MEPE: variants seen among roughly 807,000 people sequenced by gnomAD.
MEPE encodes matrix extracellular phosphoglycoprotein, also known as matrix, extracellular phosphoglycoprotein with ASARM motif (bone).
Under a neutral mutation model 7.3 loss-of-function variants are expected in MEPE, and 7 were observed. The ratio of observed to expected loss-of-function variants is 0.95; its 90% CI spans 0.54 to 1.79. The LOEUF is 1.79. Among genes scored for constraint, MEPE ranks in the 40% most tolerant of loss-of-function variants. MEPE has a pLI of 0.00. For missense variants in MEPE, 623 were observed against 628.2 expected, an observed-to-expected ratio of 0.99 and a Z score of 0.09; for synonymous variants, 214 against 213.1, an observed-to-expected ratio of 1.00 and a Z score of -0.04.
At chr4:87,826,912 T>C (rs1273608432) in intron 1 of MEPE, among the ~76,000 whole-genome samples, 1 of 152,230 alleles carries the variant, frequency 6.6e-6, no homozygotes, top group Non-Finnish European at 1.5e-5. Context: ...CTTTGTCAGA[T>C]GGATAGATTG....
chr4:87,822,017 T>C (rs912594065), intron 1 of MEPE, among the ~76,000 whole-genome samples: 1 of 152,048 alleles, frequency 6.6e-6, no homozygotes, highest in African/African-American at 2.4e-5. Context: ...GCCCACACAG[T>C]GCCTGCCAAA....
upstream of MEPE, among the ~76,000 whole-genome samples, chr4:87,831,166 A>ATTTG (rs1578053417): frequency 6.6e-6 from 1 of 152,218 alleles, no homozygotes; most frequent in East Asian, 1.9e-4. Flanking sequence ...TCAAACTATT[A>ATTTG]CAATTATTTT....
intron 1 of MEPE, among the ~76,000 whole-genome samples, chr4:87,834,455 C>G (rs1351140605): frequency 2.0e-5 from 3 of 152,132 alleles, no homozygotes; most frequent in African/African-American, 7.2e-5. Flanking sequence ...TATCAACTGA[C>G]TTTACTGTTT....
intron 2 of MEPE, 128 bp from the exon 3 acceptor site, chr4:87,838,504 G>A (rs1464522559): frequency 1.0e-5 from 8 of 772,522 alleles, no homozygotes; most frequent in Non-Finnish European, 1.7e-5. Context: ...ATCTTCTTTT[G>A]GTTAGAATGA....
intron 1 of MEPE, among the ~76,000 whole-genome samples, chr4:87,833,894 T>C (rs1722679127): frequency 6.6e-6 from 1 of 152,222 alleles, no homozygotes; most frequent in Admixed American, 6.5e-5. Context: ...AATAGAAAGT[T>C]ATTTAAGGTG....
chr4:87,824,308 A>G (rs370468890), intron 1 of MEPE, among the ~76,000 whole-genome samples: 50 of 152,152 alleles, frequency 3.3e-4, no homozygotes, highest in African/African-American at 1.2e-3. Flanking sequence ...GGTGAGACAT[A>G]CCTGATCATT....
rs908964580 is a variant in MEPE at position 87,823,804 on chromosome 4, A to G, written c.-13+2333A>G. Among the ~76,000 whole-genome samples, 3 of 152,298 alleles carry G rather than the reference A, an allele frequency of 2.0e-5. No homozygotes were observed. The East Asian group carries it at 5.8e-4, about 29-fold the overall frequency. On this transcript the variant is annotated intron_variant, in intron 1 of 3. Coordinates refer to the MEPE transcript ENST00000424957. The stretch of plus-strand genomic sequence containing the variant: ...GAAAATCTAAAGTAAAGAAACATGA[A>G]TCTCGGGTTAAAAAAAAGAATCAAC...
rs1560545697 is a variant in MEPE, at chr4:87,846,437, T to C, written c.1569T>C (p.Asp523=). ...ACAGTGGCAGTTCAAGTGAGAGCGA[T>C]GGTGACTAGTCCACCAGGAGTTCCC... ...SSDSGSSSES[D]GD The change falls in exon 4 of 4, where the codon GAT becomes GAC. Residue 523 remains aspartate, a synonymous_variant. Coordinates refer to ENST00000361056, the MANE Select transcript of MEPE (RefSeq NM_020203.6). The C allele has an allele frequency of 6.2e-7, 1 of 1,612,076 alleles. No individual in the cohort carries two copies. The highest frequency in any genetic ancestry group is 8.5e-7 in the Non-Finnish European group (1 of 1,178,968).
At chr4:87,823,191 A>G (rs1309923003) in intron 1 of MEPE, among the ~76,000 whole-genome samples, 1 of 152,220 alleles carries the variant, frequency 6.6e-6, no homozygotes, top group Non-Finnish European at 1.5e-5. Context: ...GGTGTGCTCA[A>G]TGGCTGCTCA....
intron 3 of MEPE, 90 bp from the exon 4 acceptor site, chr4:87,844,887 C>T (rs1723149723): frequency 2.1e-6 from 2 of 975,606 alleles, no homozygotes; most frequent in Admixed American, 3.4e-5. Context: ...TATTAAATAT[C>T]TGGTGGATGG....
In MEPE at chr4:87,846,126, AC is replaced by A; in HGVS notation, c.1260del (p.Leu421Ter). ...GVDHSNRNQA[T>X]LNEKQRFPSK... ...AGATCATTCTAATAGGAACCAAGCA[AC>A]CTTAAATGAAAAACAAAGGTTTCCT... On this transcript the variant is annotated frameshift_variant, in exon 4 of 4. Transcript: ENST00000361056. LOFTEE classifies it low-confidence loss of function (END_TRUNC). 1 of 1,612,928 alleles carries A rather than the reference AC, an allele frequency of 6.2e-7. No individual in the cohort carries two copies. The highest frequency in any genetic ancestry group is 8.5e-7 in the Non-Finnish European group (1 of 1,179,574).
intron 3 of MEPE, chr4:87,839,719 A>G: frequency 6.5e-7 from 1 of 1,550,132 alleles, no homozygotes; most frequent in East Asian, 2.4e-5. Flanking sequence ...AAACATGGGC[A>G]TTATGTTTTT....
At position 87,845,176 on chromosome 4, in the gene MEPE, G is replaced by A. The variant is rs2110012927; in HGVS notation, c.308G>A (p.Ser103Asn). The change falls in exon 4 of 4, where the codon AGT (serine) becomes AAT (asparagine). Residue 103 changes from serine to asparagine, a missense_variant. By Grantham distance (46) the Ser-to-Asn change is conservative. Transcript: ENST00000361056. ...RQRLNKEYSI[S>N]NKENTHNGLR... is the part of the protein sequence containing the mutation. ...AGACTGAATAAAGAATATAGTATCA[G>A]TAACAAAGAGAATACTCACAATGGC... 6.2e-7 allele frequency: 1 copy of A among 1,613,824 alleles called. No individual in the cohort carries two copies. The highest frequency in any genetic ancestry group is 8.5e-7 in the Non-Finnish European group (1 of 1,179,868).
Position 87,834,748 on chromosome 4 carries a change from A to G in MEPE, c.34A>G (p.Ser12Gly), listed in dbSNP as rs1722718389. ...TTTCTGTGTGGGACTACTCCTTTTCAGTGTGACCTGGGCAGCACCAGTAAG... is the reference window on the plus strand; with the variant it reads ...TTTCTGTGTGGGACTACTCCTTTTCGGTGTGACCTGGGCAGCACCAGTAAG... ...RVFCVGLLLF[S>G]VTWAAPTFQP... is the part of the protein sequence containing the mutation. The change falls in exon 2 of 4, where the codon AGT (serine) becomes GGT (glycine). Residue 12 changes from serine to glycine, a missense_variant. Ser to Gly is a moderately conservative substitution (Grantham distance 56). Coordinates refer to ENST00000361056, the MANE Select transcript of MEPE (RefSeq NM_020203.6). The G allele has an allele frequency of 6.2e-7, 1 of 1,613,328 alleles. No homozygotes were observed. Among genetic ancestry groups the G allele is most frequent in the African/African-American group, 1.3e-5 (1 of 75,030 alleles).
At chr4:87,826,240 G>A (rs1363971245) in intron 1 of MEPE, among the ~76,000 whole-genome samples, 2 of 143,852 alleles carry the variant, frequency 1.4e-5, no homozygotes. Context: ...TTTTTTTTGA[G>A]ACAGAGTCTT....
intron 1 of MEPE, among the ~76,000 whole-genome samples, chr4:87,824,633 T>C (rs1384145121): frequency 6.6e-6 from 1 of 152,252 alleles, no homozygotes; most frequent in Admixed American, 6.5e-5. Flanking sequence ...TTTAGATGAT[T>C]GTATAAACTA....
In MEPE at chr4:87,845,593, C is replaced by T. The variant is rs755581399; in HGVS notation, c.725C>T (p.Thr242Ile). 6.2e-7 allele frequency: 1 copy of T among 1,613,552 alleles called. No homozygotes were observed. Among genetic ancestry groups the T allele is most frequent in the South Asian group, 1.1e-5 (1 of 90,932 alleles). ...AGTGATTTTGAAGGCAGCGGTTATA[C>T]AGATCTTCAAGAGAGAGGGGACAAT... The part of the protein sequence containing the change: ...IPSDFEGSGY[T>I]DLQERGDNDI... Residue 242 changes from threonine to isoleucine, a missense_variant, in exon 4 of 4, where the codon ACA becomes ATA. Thr to Ile is a moderately conservative substitution (Grantham distance 89). Coordinates refer to ENST00000361056, the MANE Select transcript of MEPE (RefSeq NM_020203.6).
intron 1 of MEPE, among the ~76,000 whole-genome samples, chr4:87,826,368 A>G (rs1722465389): frequency 6.7e-6 from 1 of 149,606 alleles, no homozygotes; most frequent in Admixed American, 6.7e-5. Context: ...GCAGGTGCAC[A>G]CCACCACAAC....
At position 87,846,650 on chromosome 4, in the gene MEPE, T is replaced by C. The variant is rs1723283844; in HGVS notation, c.*204T>C. 1 of 495,592 alleles carries C rather than the reference T, an allele frequency of 2.0e-6. No homozygotes were observed. Among genetic ancestry groups the C allele is most frequent in the Non-Finnish European group, 3.5e-6 (1 of 287,706 alleles). The allele number at this position is 495,592 out of a possible 1,614,324, so 30.7% of individuals were successfully genotyped here. On this transcript the variant is annotated 3_prime_UTR_variant, in exon 4 of 4. Transcript: ENST00000361056. ...ATTCTATTAAAGGCTATAATGTTTTTAAGCAAAAAAAAATCATTACAGATC... is the reference window on the plus strand; with the variant it reads ...ATTCTATTAAAGGCTATAATGTTTTCAAGCAAAAAAAAATCATTACAGATC...
Sources: gnomAD v4.1 joint callset for allele counts (sites outside exome capture counted in the v4.1 genomes callset) on GRCh38, gnomAD v4.1.1 for gene constraint, MANE v1.5 for transcripts, NCBI Gene and HGNC (gene_info 2026-07-23, HGNC 2026-07-21) for gene names.